Variants in THBS4 observed in about 807,000 individuals in gnomAD.
THBS4 encodes thrombospondin-4.
A neutral mutation model predicts 115.7 loss-of-function variants in THBS4; 90 were observed. The ratio of observed to expected loss-of-function variants is 0.78; its 90% confidence interval spans 0.66 to 0.93. The LOEUF (loss-of-function observed/expected upper bound fraction) is 0.93. THBS4 is among the 40% of genes least tolerant of loss of function. THBS4 has a pLI of 0.00. For missense variants in THBS4, 1,087 were observed against 1,232.7 expected (o/e 0.88, Z 1.77); for synonymous variants, 460 against 479.3 (o/e 0.96, Z 0.53).
At chr5:80,074,469 CA>C (rs1239158259) in intron 15 of THBS4, 3 of 152,160 alleles carry the variant, frequency 2.0e-5, no homozygotes, top group African/African-American at 4.8e-5. Context: ...CAAAGGCAGC[CA>C]GGACAAGGAT....
At chr5:80,076,747 C>A in intron 15 of THBS4, 108 bp from the exon 16 acceptor site, 1 of 1,187,320 alleles carries the variant, frequency 8.4e-7, no homozygotes, top group Non-Finnish European at 1.1e-6. Context: ...TTTTAAGAGC[C>A]AACCCTGGTT....
chr5:80,040,128 T>C lies in THBS4; in HGVS notation c.140T>C (p.Leu47Pro). The C allele has an allele frequency of 6.2e-7, 1 of 1,614,158 alleles. No homozygotes were observed. The highest frequency in any genetic ancestry group is 8.5e-7 in the Non-Finnish European group (1 of 1,180,032). ...SSQRLNPGAL[L>P]PVLTDPALND... ...CAGAGGCTAAACCCAGGCGCTCTGC[T>C]GCCAGTCCTGACAGACCCCGCCCTG... Residue 47 changes from leucine (L) to proline (P), a missense_variant, in exon 2 of 22, where the codon CTG (leucine) becomes CCG (proline). Around this residue, in one of 3 missense-constraint regions of THBS4, gnomAD observed 979 missense variants for 1,103.7 expected, o/e 0.89. Transcript: ENST00000350881.
chr5:80,070,815 G>A, intron 12 of THBS4, 65 bp downstream of exon 12: 1 of 1,587,014 alleles, frequency 6.3e-7, no homozygotes, highest in East Asian at 2.2e-5. Flanking sequence ...GAAAGCCTGT[G>A]ATGTCAACTA....
intron 4 of THBS4, 151 bp from the exon 5 acceptor site, chr5:80,058,557 G>A (rs1365340875): frequency 1.4e-5 from 10 of 718,172 alleles, no homozygotes; most frequent in Admixed American, 2.5e-5. Context: ...TTTTTTAGCT[G>A]AATTAAAGAA....
chr5:80,082,754 C>G (rs1343233859), intron 21 of THBS4, among the ~76,000 whole-genome samples: 1 of 152,216 alleles, frequency 6.6e-6, no homozygotes, highest in Admixed American at 6.5e-5. Flanking sequence ...TAGAATTTAA[C>G]TGCATGGTTT....
At chr5:80,063,677 A>T (rs1315122041) in intron 8 of THBS4, among the ~76,000 whole-genome samples, 1 of 152,230 alleles carries the variant, frequency 6.6e-6, no homozygotes, top group Non-Finnish European at 1.5e-5. Context: ...GAAGCTGTTA[A>T]GAGTCCTCTA....
rs1310648435 is a variant in THBS4 at position 80,035,377 on chromosome 5, G to A, written c.-161G>A. ...GCCAGCTCCCCAGCACCGCACGGCG[G>A]GGACGCGAGCGCGCCCCCGACGGCA... On this transcript the variant is annotated 5_prime_UTR_variant, in exon 1 of 22. Coordinates refer to ENST00000350881, the MANE Select transcript of THBS4 (RefSeq NM_003248.6). This position sits in a 1 kb window ranked among gnomAD's most constrained non-coding sequence, Gnocchi z 4.6. The A allele has an allele frequency of 7.7e-6, 2 of 258,510 alleles. No homozygotes were observed. Among genetic ancestry groups the A allele is most frequent in the African/African-American group, 4.6e-5 (2 of 43,582 alleles). 16.0% of individuals were successfully genotyped at this position (258,510 alleles called of 1,614,324 possible).
In THBS4 at chr5:80,079,960, C is replaced by A; in HGVS notation, c.2567C>A (p.Thr856Lys). The change falls in exon 20 of 22, where the codon ACG (threonine) becomes AAG (lysine). Residue 856 changes from threonine to lysine, a missense_variant. This residue lies in a region of THBS4 where 979 missense variants were observed against 1,103.7 expected (regional missense o/e 0.89). Transcript: ENST00000350881. ...CATCTCCGGAACTCCCTGTGGCACACGGGGGACACCAGTGACCAGGTCAGG... is the reference window on the plus strand; with the variant it reads ...CATCTCCGGAACTCCCTGTGGCACAAGGGGGACACCAGTGACCAGGTCAGG... ...GEHLRNSLWH[T>K]GDTSDQVRLL... 1 of 1,613,912 alleles carries A rather than the reference C, an allele frequency of 6.2e-7. No individual in the cohort carries two copies. Among genetic ancestry groups the A allele is most frequent in the Non-Finnish European group, 8.5e-7 (1 of 1,179,958 alleles).
intron 2 of THBS4, among the ~76,000 whole-genome samples, chr5:80,009,962 G>A (rs2151153853): frequency 6.6e-6 from 1 of 152,112 alleles, no homozygotes; most frequent in South Asian, 2.1e-4. Flanking sequence ...GTGAGACCCT[G>A]TTTCTACCCA....
chr5:80,071,655 TAC>T (rs58150348), intron 13 of THBS4: 100,433 of 148,322 alleles, frequency 0.68, 33,996 homozygotes, highest in Non-Finnish European at 0.74. Flanking sequence ...AACACACACA[TAC>T]ACACACACAC....
At chr5:80,027,086 A>C (rs1832491403) in intron 2 of THBS4, among the ~76,000 whole-genome samples, 1 of 152,210 alleles carries the variant, frequency 6.6e-6, no homozygotes, top group African/African-American at 2.4e-5. Context: ...GGACATTGGC[A>C]ATAATCCATT....
At chr5:80,032,813 C>G (rs1051275652), upstream of THBS4, among the ~76,000 whole-genome samples, 1 of 152,182 alleles carries the variant, frequency 6.6e-6, no homozygotes, top group Admixed American at 6.5e-5. Flanking sequence ...GTCCGCCTTT[C>G]CCAGTCCACT....
upstream of THBS4, among the ~76,000 whole-genome samples, chr5:80,034,714 G>T (rs970759392): frequency 3.3e-5 from 5 of 152,204 alleles, no homozygotes; most frequent in Non-Finnish European, 5.9e-5. Context: ...TGTCTGGATG[G>T]ATTCCTTGAG....
chr5:80,040,268 C>T lies in THBS4; in HGVS notation c.280C>T (p.Arg94Cys), dbSNP rs200373343. 417 of 1,612,826 alleles carry T rather than the reference C, an allele frequency of 2.6e-4. 4 individuals carry two copies. Among genetic ancestry groups the T allele is most frequent in the Non-Finnish European group, 4.9e-5 (58 of 1,179,328 alleles). The change falls in exon 2 of 22, where the codon CGC (arginine) becomes TGC (cysteine). Residue 94 changes from arginine to cysteine, a missense_variant. By Grantham distance (180) the Arg-to-Cys change is radical (BLOSUM62 -3). Coordinates refer to ENST00000350881, the MANE Select transcript of THBS4 (RefSeq NM_003248.6). Reference protein sequence around the residue: ...SKYFEFTVMGRLNKAILRYLK... With the variant: ...SKYFEFTVMGCLNKAILRYLK... ...ATATTTTGAATTTACTGTGATGGGA[C>T]GCTTAAACAAAGGTAAGCAAATTTG...
At chr5:80,037,643 A>C (rs190675486) in intron 1 of THBS4, among the ~76,000 whole-genome samples, 44 of 152,338 alleles carry the variant, frequency 2.9e-4, no homozygotes, top group African/African-American at 1.0e-3. Context: ...AAATACCGCA[A>C]GTTTAGCTTG....
At chr5:80,011,495 G>C (rs1192691697) in intron 2 of THBS4, among the ~76,000 whole-genome samples, 2 of 152,078 alleles carry the variant, frequency 1.3e-5, no homozygotes, top group South Asian at 2.1e-4. Context: ...CAAGAGGGAA[G>C]GAAAATCATT....
intron 10 of THBS4, among the ~76,000 whole-genome samples, chr5:80,068,998 A>G (rs1343015955): frequency 6.6e-6 from 1 of 152,150 alleles, no homozygotes; most frequent in Admixed American, 6.5e-5. Flanking sequence ...CCTGCCATCC[A>G]TTCCCAAATC....
chr5:80,070,727 G>A lies in THBS4; in HGVS notation c.1537G>A (p.Gly513Arg), dbSNP rs202247800. The change falls in exon 12 of 22, where the codon GGA becomes AGA. Residue 513 changes from glycine to arginine, a missense_variant. Physicochemically the swap from Gly to Arg is moderately radical, Grantham distance 125 (BLOSUM62 -2). Around this residue, in one of 3 missense-constraint regions of THBS4, gnomAD observed 979 missense variants for 1,103.7 expected, o/e 0.89. Transcript: ENST00000350881. ...IGDACDEDAD[G>R]DGILNEQDNC... Reference sequence around the variant, plus strand: ...CGACGCTTGTGACGAGGATGCTGACGGAGATGGGATCCTGAATGAGCAGGT... The same window carrying A: ...CGACGCTTGTGACGAGGATGCTGACAGAGATGGGATCCTGAATGAGCAGGT... 29 of 1,614,056 alleles carry A rather than the reference G, an allele frequency of 1.8e-5. No individual in the cohort carries two copies. Among genetic ancestry groups the A allele is most frequent in the Middle Eastern group, 3.3e-4 (2 of 6,084 alleles).
At chr5:80,004,565 A>T (rs1415160299) in intron 2 of THBS4, among the ~76,000 whole-genome samples, 1 of 152,200 alleles carries the variant, frequency 6.6e-6, no homozygotes, top group Non-Finnish European at 1.5e-5. Context: ...CAAACAGATA[A>T]AAGGTTAGTG....
Sources: gnomAD v4.1 joint callset for allele counts (sites outside exome capture counted in the v4.1 genomes callset) on GRCh38, gnomAD v4.1.1 for gene constraint, gnomAD v4.1.1 regional missense constraint, Gnocchi (gnomAD v3.1) non-coding constraint, MANE v1.5 for transcripts, NCBI Gene and HGNC (gene_info 2026-07-23, HGNC 2026-07-21) for gene names.